RASA2: variants seen among roughly 807,000 people sequenced by gnomAD.
The protein encoded by RASA2 is RAS p21 protein activator 2, also known as ras GTPase-activating protein 2.
In RASA2, 155 loss-of-function variants were observed where a neutral mutation model predicts 118.2. The ratio of observed to expected loss-of-function variants is 1.31; its 90% CI spans 1.15 to 1.50. The LOEUF is 1.50. Among genes scored for constraint, RASA2 ranks in the 40% most tolerant of loss-of-function variants. The pLI, the probability that RASA2 is intolerant of heterozygous loss-of-function variation, is 0.00. For synonymous variants in RASA2, 353 were observed against 349.1 expected, an observed-to-expected ratio of 1.01 and a Z score of -0.12; for missense variants, 1,016 against 1,009.6, an observed-to-expected ratio of 1.01 and a Z score of -0.09.
chr3:141,584,672 T>G (rs1228577873), intron 17 of RASA2, among the ~76,000 whole-genome samples: 1 of 152,134 alleles, frequency 6.6e-6, no homozygotes, highest in African/African-American at 2.4e-5. Context: ...TGAGAAAATA[T>G]TTTAGGCTTT....
chr3:141,497,262 G>A (rs1367540221), intron 1 of RASA2, among the ~76,000 whole-genome samples: 1 of 150,728 alleles, frequency 6.6e-6, no homozygotes, highest in Non-Finnish European at 1.5e-5. Flanking sequence ...TATGGCACAT[G>A]TATACATATG....
chr3:141,511,009 GT>G (rs1483757481), intron 1 of RASA2, among the ~76,000 whole-genome samples: 1 of 152,188 alleles, frequency 6.6e-6, no homozygotes, highest in African/African-American at 2.4e-5. Flanking sequence ...CAACTCTCAT[GT>G]TTGTTCGAAT....
intron 19 of RASA2, among the ~76,000 whole-genome samples, chr3:141,587,629 G>A (rs982716031): frequency 1.3e-5 from 2 of 149,228 alleles, no homozygotes; most frequent in African/African-American, 5.0e-5. Context: ...CAGGAGAATC[G>A]CTTGAACCCA....
intron 1 of RASA2, among the ~76,000 whole-genome samples, chr3:141,511,206 A>G (rs1159608278): frequency 1.3e-5 from 2 of 152,174 alleles, no homozygotes; most frequent in Non-Finnish European, 2.9e-5. Flanking sequence ...TCTTGGGGAA[A>G]GAAATCAGAT....
chr3:141,531,410 G>GTA (rs1328441606), intron 4 of RASA2, among the ~76,000 whole-genome samples: 1 of 151,190 alleles, frequency 6.6e-6, no homozygotes, highest in Non-Finnish European at 1.5e-5. Flanking sequence ...GTGTGTGTGT[G>GTA]TATATATATG....
rs2083342137 is a variant in RASA2, at chr3:141,594,846, A to G, written c.1933+8094A>G. 2.0e-5 allele frequency among the ~76,000 whole-genome samples: 3 copies of G among 151,992 alleles called. No individual in the cohort carries two copies. In the South Asian group the frequency reaches 6.2e-4, roughly 32 times the overall value. On this transcript the variant is annotated intron_variant, in intron 19 of 23. Transcript: ENST00000286364. ...GGAGTAAAGAGCACTGGAAATGGTA[A>G]ATATGTGGGTAAATGTAAGAATGCC...
At chr3:141,596,014 A>G (rs1433493360) in intron 19 of RASA2, among the ~76,000 whole-genome samples, 1 of 152,246 alleles carries the variant, frequency 6.6e-6, no homozygotes, top group Non-Finnish European at 1.5e-5. Context: ...TAATACTATC[A>G]GTCACCTTGA....
intron 1 of RASA2, among the ~76,000 whole-genome samples, chr3:141,511,248 C>T (rs2081946247): frequency 6.6e-6 from 1 of 152,050 alleles, no homozygotes. Flanking sequence ...ATTTGAAATG[C>T]CTACTGGATA....
intron 19 of RASA2, among the ~76,000 whole-genome samples, chr3:141,587,660 G>A (rs377297618): frequency 6.8e-6 from 1 of 146,912 alleles, no homozygotes; most frequent in Non-Finnish European, 1.5e-5. Context: ...GCTGCAGTAA[G>A]CTGAGATCTT....
chr3:141,609,293 C>G (rs1440545589), intron 21 of RASA2, 127 bp from the exon 22 acceptor site: 1 of 532,346 alleles, frequency 1.9e-6, no homozygotes, highest in Non-Finnish European at 3.1e-6. Flanking sequence ...TCAAATGAAA[C>G]TAAATTTCCA....
chr3:141,537,639 C>T (rs1188048871), intron 4 of RASA2, among the ~76,000 whole-genome samples: 1 of 152,060 alleles, frequency 6.6e-6, no homozygotes, highest in Admixed American at 6.5e-5. Context: ...CGTGGTGGCA[C>T]ATGCCTGTAG....
At chr3:141,542,226 T>C (rs1387622658) in intron 5 of RASA2, among the ~76,000 whole-genome samples, 1 of 152,186 alleles carries the variant, frequency 6.6e-6, no homozygotes, top group Non-Finnish European at 1.5e-5. Flanking sequence ...ATGATCTGAT[T>C]TCTGTCCCTA....
At chr3:141,542,548 T>C (rs1254265958) in intron 5 of RASA2, among the ~76,000 whole-genome samples, 4 of 152,324 alleles carry the variant, frequency 2.6e-5, no homozygotes, top group Non-Finnish European at 4.4e-5. Context: ...TTACAGAAAG[T>C]TGTAAGGATA....
chr3:141,588,852 T>A (rs1040423958), intron 19 of RASA2, among the ~76,000 whole-genome samples: 9 of 152,128 alleles, frequency 5.9e-5, no homozygotes, highest in Middle Eastern at 3.4e-3. Context: ...TTTTTATTTT[T>A]TTTTTTTGAG....
chr3:141,491,903 A>G (rs1424060342), intron 1 of RASA2, among the ~76,000 whole-genome samples: 4 of 152,262 alleles, frequency 2.6e-5, no homozygotes, highest in African/African-American at 9.6e-5. Flanking sequence ...TGTGAAGTAT[A>G]AATCAAAACA....
chr3:141,540,599 CTTG>C lies in RASA2; in HGVS notation c.522_524del (p.Val175del), dbSNP rs1451880744. ...GGAGAATGGAACTGTATGCCAGCAG[CTTG>C]TTGTACAGTAAGCATTTTTTTTAAC... On this transcript the variant is annotated inframe_deletion, in exon 5 of 24. Transcript: ENST00000286364. 2 of 1,610,706 alleles carry C rather than the reference CTTG, an allele frequency of 1.2e-6. No homozygotes were observed. The highest frequency in any genetic ancestry group is 1.1e-5 in the South Asian group (1 of 90,830).
chr3:141,592,317 G>T (rs761373400), intron 19 of RASA2, among the ~76,000 whole-genome samples: 6 of 152,162 alleles, frequency 3.9e-5, no homozygotes, highest in Non-Finnish European at 7.4e-5. Context: ...CAGAACAAAT[G>T]CCTTGAAATA....
intron 9 of RASA2, 89 bp from the exon 10 acceptor site, chr3:141,570,823 G>C (rs2082905700): frequency 7.7e-7 from 1 of 1,304,312 alleles, no homozygotes; most frequent in African/African-American, 1.5e-5. Context: ...GACTTTTTTG[G>C]TTTAGTTTTT....
chr3:141,531,402 G>T (rs2082256851), intron 4 of RASA2, among the ~76,000 whole-genome samples: 1 of 151,368 alleles, frequency 6.6e-6, no homozygotes, highest in South Asian at 2.1e-4. Flanking sequence ...ATTTGATGGT[G>T]TGTGTGTGTA....
Sources: allele counts gnomAD v4.1 joint callset (sites outside exome capture counted in the v4.1 genomes callset), GRCh38; gene constraint gnomAD v4.1.1; transcripts MANE v1.5; gene names NCBI Gene and HGNC (gene_info 2026-07-23, HGNC 2026-07-21).